The following CASK variants were observed in gnomAD, a reference collection of about 807,000 sequenced individuals.
CASK encodes the protein peripheral plasma membrane protein CASK.
A neutral mutation model predicts 82.9 loss-of-function variants in CASK; 4 were observed. The observed-to-expected ratio is 0.05, with a 90% CI of 0.02 to 0.11. The LOEUF (loss-of-function observed/expected upper bound fraction) is 0.11. CASK is among the 10% of genes least tolerant of loss of function. The pLI, the probability that CASK is intolerant of heterozygous loss-of-function variation, is 1.00. For synonymous variants in CASK, 259 were observed against 253.5 expected (o/e 1.02, Z -0.20); for missense variants, 358 against 720.9 (o/e 0.50, Z 5.76).
intron 1 of CASK, among the ~76,000 whole-genome samples, chrX:41,905,125 T>C (rs891902557): frequency 8.9e-6 from 1 of 112,406 alleles, no homozygotes; most frequent in Admixed American, 9.4e-5. Flanking sequence ...CACATTTTGT[T>C]TATCCATTCA....
intron 24 of CASK, among the ~76,000 whole-genome samples, chrX:41,532,115 C>T (rs2064812883): frequency 9.0e-6 from 1 of 110,539 alleles, no homozygotes; most frequent in Non-Finnish European, 1.9e-5. Context: ...TTTGTATTTC[C>T]AACAGAGACG....
intron 3 of CASK, among the ~76,000 whole-genome samples, chrX:41,754,611 AAAGAG>A (rs2068857097): frequency 9.0e-6 from 1 of 111,712 alleles, no homozygotes; most frequent in African/African-American, 3.3e-5. Flanking sequence ...AACAAAAAGA[AAAGAG>A]AAAAGACACA....
intron 3 of CASK, among the ~76,000 whole-genome samples, chrX:41,774,483 C>G (rs375934577): frequency 1.8e-5 from 2 of 111,192 alleles, no homozygotes; most frequent in Non-Finnish European, 3.8e-5. Flanking sequence ...AGATTCAATG[C>G]CATCCCCATC....
intron 2 of CASK, among the ~76,000 whole-genome samples, chrX:41,845,523 A>C (rs192387766): frequency 9.0e-6 from 1 of 111,556 alleles, no homozygotes; most frequent in African/African-American, 3.2e-5. Context: ...TAGCCACTTC[A>C]GAGCTCTTTT....
At chrX:41,525,190 C>T (rs768582533) in intron 25 of CASK, among the ~76,000 whole-genome samples, 2 of 111,301 alleles carry the variant, frequency 1.8e-5, no homozygotes, top group East Asian at 5.6e-4. Flanking sequence ...CAACAGTTCC[C>T]TCTTGGCCTC....
At chrX:41,687,254 C>A (rs940314288) in intron 5 of CASK, among the ~76,000 whole-genome samples, 2 of 112,399 alleles carry the variant, frequency 1.8e-5, no homozygotes, top group African/African-American at 6.5e-5. Flanking sequence ...TATGCATACT[C>A]ATGTTCACTG....
intron 2 of CASK, among the ~76,000 whole-genome samples, chrX:41,840,577 T>C (rs1426855656): frequency 8.9e-6 from 1 of 112,117 alleles, no homozygotes. Context: ...CATTTCCTTA[T>C]CATGTCTTAT....
At position 41,781,362 on chromosome X, in the gene CASK, T is replaced by TTAA. The variant is rs1569446741; in HGVS notation, c.278+5815_278+5816insTTA. Among the ~76,000 whole-genome samples the TTAA allele has an allele frequency of 3.5e-5, 4 of 112,888 alleles. No individual in the cohort carries two copies. In the East Asian group the frequency reaches 1.1e-3, roughly 31 times the overall value. On this transcript the variant is annotated intron_variant, in intron 3 of 26. Coordinates refer to ENST00000378163, the MANE Select transcript of CASK (RefSeq NM_001367721.1). ...ACATAGTCTGTGGCAAAGACAGATA[T>TTAA]GGACACCATATTAAGAAACTCACTC... is the stretch of plus-strand genomic sequence containing the variant.
At chrX:41,733,934 C>T (rs1032573857) in intron 5 of CASK, among the ~76,000 whole-genome samples, 4 of 110,945 alleles carry the variant, frequency 3.6e-5, no homozygotes, top group African/African-American at 9.8e-5. Context: ...TCATGCCAAC[C>T]AGTGTTATAT....
At chrX:41,865,998 G>A (rs1299684650) in intron 1 of CASK, among the ~76,000 whole-genome samples, 1 of 112,492 alleles carries the variant, frequency 8.9e-6, no homozygotes, top group African/African-American at 3.2e-5. Context: ...GCTGCTTACT[G>A]CTCCCTACAG....
At chrX:41,682,131 C>T (rs2067367118) in intron 5 of CASK, among the ~76,000 whole-genome samples, 1 of 106,909 alleles carries the variant, frequency 9.4e-6, no homozygotes, top group South Asian at 4.2e-4. Context: ...GTGCTAAAAT[C>T]TTGCACTTTT....
chrX:41,694,869 C>A (rs2067648731), intron 5 of CASK, among the ~76,000 whole-genome samples: 1 of 111,729 alleles, frequency 9.0e-6, no homozygotes, highest in Non-Finnish European at 1.9e-5. Flanking sequence ...AATGAGACCA[C>A]CACAAGTCAC....
At chrX:41,791,400 T>C (rs1414686720) in intron 2 of CASK, among the ~76,000 whole-genome samples, 2 of 108,894 alleles carry the variant, frequency 1.8e-5, no homozygotes, top group East Asian at 5.8e-4. Context: ...CAATGTTTGG[T>C]TTTCCATTCC....
chrX:41,913,262 T>C (rs969118660), intron 1 of CASK, among the ~76,000 whole-genome samples: 24 of 112,337 alleles, frequency 2.1e-4, no homozygotes, highest in Non-Finnish European at 4.5e-4. Context: ...GACGAGTTAA[T>C]GGGTGCAGCA....
At chrX:41,568,095 G>C in intron 16 of CASK, among the ~76,000 whole-genome samples, 1 of 103,134 alleles carries the variant, frequency 9.7e-6, no homozygotes, top group South Asian at 4.7e-4. Context: ...GTCAGGGGGT[G>C]GGGGGCTGGG....
intron 1 of CASK, among the ~76,000 whole-genome samples, chrX:41,882,429 A>G (rs2071969130): frequency 8.9e-6 from 1 of 111,787 alleles, no homozygotes; most frequent in South Asian, 3.7e-4. Context: ...CTCTCAGTCT[A>G]GGATGCTGTT....
chrX:41,818,938 A>G (rs1411031609), intron 2 of CASK, among the ~76,000 whole-genome samples: 1 of 111,513 alleles, frequency 9.0e-6, no homozygotes, highest in Non-Finnish European at 1.9e-5. Context: ...TTAAATTTCT[A>G]TTAAAAAAAA....
chrX:41,700,401 AATT>A (rs2067769885), intron 5 of CASK, among the ~76,000 whole-genome samples: 1 of 110,972 alleles, frequency 9.0e-6, no homozygotes, highest in African/African-American at 3.3e-5. Flanking sequence ...TTAATGGGCT[AATT>A]ATTTTTTAGG....
chrX:41,641,597 G>C lies in CASK; in HGVS notation c.832-4936C>G, dbSNP rs146608368. ...AATAGGTATCATTTAACAGTCATAA[G>C]ACATTAACATATTACTTGGTCTAAC... On this transcript the variant is annotated intron_variant, in intron 8 of 26. Transcript: ENST00000378163. 3.5e-3 allele frequency among the ~76,000 whole-genome samples: 393 copies of C among 111,647 alleles called. 7 individuals are homozygous for C. The highest frequency in any genetic ancestry group is 0.012 in the African/African-American group (376 of 30,813).
Sources: allele counts gnomAD v4.1 joint callset (sites outside exome capture counted in the v4.1 genomes callset), GRCh38; gene constraint gnomAD v4.1.1; transcripts MANE v1.5; gene names NCBI Gene and HGNC (gene_info 2026-07-23, HGNC 2026-07-21).